The following SHOX variants were observed in gnomAD, a reference collection of about 807,000 sequenced individuals.
SHOX encodes the protein short stature homeobox protein.
SHOX carries 12 observed loss-of-function variants against 29.6 expected under a neutral mutation model. That is an observed-to-expected ratio of 0.41 (90% confidence interval 0.26 to 0.66). SHOX has a LOEUF of 0.66. Ranked by LOEUF, SHOX falls within the 30% of genes least tolerant of loss-of-function variation. The probability of loss-of-function intolerance (pLI) is 0.35; values close to 1 mark genes in which losing one functional copy is unlikely to be tolerated. For synonymous variants in SHOX, 214 were observed against 200.6 expected, an observed-to-expected ratio of 1.07 and a Z score of -0.57; for missense variants, 499 against 437.7, an observed-to-expected ratio of 1.14 and a Z score of -1.25.
At chrX:632,925 T>G (rs994048285) in intron 1 of SHOX, among the ~76,000 whole-genome samples, 3 of 152,086 alleles carry the variant, frequency 2.0e-5, no homozygotes, top group African/African-American at 7.2e-5. Context: ...GCAGACACCG[T>G]TTTGCTCCTC....
Position 624,993 on chromosome X carries a change from TTTCCTTCCTTCCCTCC to T in SHOX, c.-433+403_-433+418del, listed in dbSNP as rs2052490152. On this transcript the variant is annotated intron_variant, in intron 1 of 5. Transcript: ENST00000334060. ...TTTCCTTTTCTTTTCCAGAAAGCTT[TTTCCTTCCTTCCCTCC>T]TTCCTTCCTTCTCTCCCTCCCTCCT... Among the ~76,000 whole-genome samples the T allele has an allele frequency of 4.7e-5, 7 of 149,940 alleles. 1 individual carries two copies. The South Asian group carries it at 1.5e-3, about 32-fold the overall frequency.
chrX:626,469 A>G (rs1296307877), upstream of SHOX, among the ~76,000 whole-genome samples: 7 of 106,586 alleles, frequency 6.6e-5, no homozygotes, highest in African/African-American at 2.2e-4. Context: ...ATCTCTGTCT[A>G]TCTCTGTCTC....
At chrX:653,166 A>G (rs2053092180), downstream of SHOX, among the ~76,000 whole-genome samples, 1 of 152,172 alleles carries the variant, frequency 6.6e-6, no homozygotes, top group African/African-American at 2.4e-5. Context: ...GCTTGGACCC[A>G]GGAGGCGGAG....
rs2053011942 is a variant in SHOX at position 649,033 on chromosome X, C to CCT, written c.*4397_*4398insCT. 1.5e-5 allele frequency among the ~76,000 whole-genome samples: 1 copy of CCT among 65,224 alleles called. No homozygotes were observed. The highest frequency in any genetic ancestry group is 3.8e-5 in the Non-Finnish European group (1 of 26,658). The allele number at this position is 65,224 out of a possible 152,430, so 42.8% of individuals were successfully genotyped here. On this transcript the variant is annotated 3_prime_UTR_variant, in exon 5 of 5. Transcript: ENST00000686671. ...TTTCTTTCTTTCTTTTTCTTTCTTT[C>CCT]TTTTTCTTTCTTCTTTCTTTCTTCG...
chrX:624,952 A>G lies in SHOX; in HGVS notation c.-433+350A>G, dbSNP rs746309856. On this transcript the variant is annotated intron_variant, in intron 1 of 5. Coordinates refer to the SHOX transcript ENST00000334060. ...TTTCTTTTCTTTCTTTCACTTGGCA[A>G]GATTGCTTTTGGAGCTTTCCTTTTC... Among the ~76,000 whole-genome samples, 150 of 118,450 alleles carry G rather than the reference A, an allele frequency of 1.3e-3. No individual in the cohort carries two copies. In the Middle Eastern group the frequency reaches 0.017, roughly 13 times the overall value. The allele number at this position is 118,450 out of a possible 152,430, so 77.7% of individuals were successfully genotyped here. A position where few individuals can be genotyped will look rare whatever the true frequency, so the allele number is the denominator to read the frequency against.
intron 2 of SHOX, among the ~76,000 whole-genome samples, chrX:640,194 C>G (rs186857041): frequency 6.7e-6 from 1 of 150,256 alleles, no homozygotes; most frequent in East Asian, 2.0e-4. Context: ...AAAATACAAA[C>G]GTTAGCTAGG....
At chrX:624,826 C>G (rs2052478372) in intron 1 of SHOX, among the ~76,000 whole-genome samples, 1 of 143,616 alleles carries the variant, frequency 7.0e-6, no homozygotes, top group Middle Eastern at 3.6e-3. Flanking sequence ...TTCCTTCGTT[C>G]TTTCCTTCCT....
downstream of SHOX, among the ~76,000 whole-genome samples, chrX:656,261 G>C (rs935888995): frequency 2.1e-5 from 3 of 142,726 alleles, no homozygotes; most frequent in African/African-American, 8.1e-5. Context: ...CAGCAACAAA[G>C]TGAGATCTTG....
At chrX:651,641 G>GAAAAA (rs553983413), downstream of SHOX, among the ~76,000 whole-genome samples, 304 of 107,522 alleles carry the variant, frequency 2.8e-3, 3 homozygotes, top group African/African-American at 0.01. Context: ...AGGCTTATTG[G>GAAAAA]AAAAAAAAAA....
In SHOX at chrX:640,804, C is replaced by T. The variant is rs1433130712; in HGVS notation, c.487-17C>T. The T allele has an allele frequency of 5.0e-6, 8 of 1,613,898 alleles. No individual in the cohort carries two copies. Among genetic ancestry groups the T allele is most frequent in the Non-Finnish European group, 6.8e-6 (8 of 1,179,842 alleles). On this transcript the variant is annotated splice_polypyrimidine_tract_variant and intron_variant, in intron 2 of 4. Transcript: ENST00000686671. ...GGTTCACAGGGCTCTTCACATCTCT[C>T]TCTGCTTCTCCCCAAGGTTTGGTTC...
At position 644,585 on chromosome X, in the gene SHOX, C is replaced by A; in HGVS notation, c.828C>A (p.Ile276=). 2 of 1,513,132 alleles carry A rather than the reference C, an allele frequency of 1.3e-6. No homozygotes were observed. The highest frequency in any genetic ancestry group is 1.8e-6 in the Non-Finnish European group (2 of 1,137,558). 93.7% of individuals were successfully genotyped at this position (1,513,132 alleles called of 1,614,324 possible). A position where few individuals can be genotyped will look rare whatever the true frequency, so the allele number is the denominator to read the frequency against. Residue 276 remains isoleucine (I), a synonymous_variant, in exon 5 of 5, where the codon ATC becomes ATA. Transcript: ENST00000686671. ...AAKSNSKNSS[I]ADLRLKARKH... The stretch of plus-strand genomic sequence containing the variant: ...AAAGCAACAGCAAGAATTCCAGCAT[C>A]GCCGACCTGCGGCTCAAGGCGCGGA...
chrX:651,950 C>T (rs1461157261), downstream of SHOX, among the ~76,000 whole-genome samples: 3 of 151,876 alleles, frequency 2.0e-5, no homozygotes, highest in Non-Finnish European at 2.9e-5. Flanking sequence ...GACTGAGTCT[C>T]GCTCTGTCGC....
chrX:638,434 G>C (rs964300197), intron 2 of SHOX, among the ~76,000 whole-genome samples: 2 of 152,116 alleles, frequency 1.3e-5, no homozygotes, highest in African/African-American at 4.8e-5. Flanking sequence ...ACAGTGGCAG[G>C]TCACCTGGAT....
At position 644,650 on chromosome X, in the gene SHOX, C is replaced by A. The variant is rs1015656862; in HGVS notation, c.*14C>A. ...CTGGGGCTCTGACCCGCCGCGCAGC[C>A]CCCCGCGCGCCCGGACTCCCGGGCT... On this transcript the variant is annotated 3_prime_UTR_variant, in exon 5 of 5. Transcript: ENST00000686671. 15 of 1,443,072 alleles carry A rather than the reference C, an allele frequency of 1.0e-5. No homozygotes were observed. The highest frequency in any genetic ancestry group is 2.5e-4 in the Middle Eastern group (1 of 4,030). The allele number at this position is 1,443,072 out of a possible 1,614,324, so 89.4% of individuals were successfully genotyped here.
rs776796802 is a variant in SHOX, at chrX:643,259, C to T, written c.634-1132C>T. ...GGGGAGAGGCTTGGGGACCTGGTGT[C>T]CTGGGAGAGGCTTGGGGACCTGGTG... is the stretch of plus-strand genomic sequence containing the variant. On this transcript the variant is annotated intron_variant, in intron 4 of 4. Coordinates refer to ENST00000686671, the MANE Select transcript of SHOX (RefSeq NM_000451.4). Among the ~76,000 whole-genome samples, 893 of 141,792 alleles carry T rather than the reference C, an allele frequency of 6.3e-3. 12 individuals carry two copies. Among genetic ancestry groups the T allele is most frequent in the African/African-American group, 0.023 (837 of 37,048 alleles). 93.0% of individuals were successfully genotyped at this position (141,792 alleles called of 152,430 possible).
chrX:628,451 C>T, upstream of SHOX, among the ~76,000 whole-genome samples: 1 of 140,830 alleles, frequency 7.1e-6, no homozygotes, highest in African/African-American at 2.7e-5. Flanking sequence ...CTCTCTTTCT[C>T]TCTCTCCATC....
At chrX:658,556 C>G (rs973416836) in intron 5 of SHOX, among the ~76,000 whole-genome samples, 4 of 151,330 alleles carry the variant, frequency 2.6e-5, no homozygotes, top group African/African-American at 9.7e-5. Context: ...CTGCAAGCTC[C>G]TCTTCCCGGG....
rs2053015448 is a variant in SHOX at position 649,191 on chromosome X, C to G, written c.*4555C>G. Among the ~76,000 whole-genome samples, 1 of 152,092 alleles carries G rather than the reference C, an allele frequency of 6.6e-6. No homozygotes were observed. ...TAGCTGGGATGACAGGCACCCACCA[C>G]CATTCCCGGATAATTTTTGTATTTT... On this transcript the variant is annotated 3_prime_UTR_variant, in exon 5 of 5. Transcript: ENST00000686671.
downstream of SHOX, among the ~76,000 whole-genome samples, chrX:651,649 A>G (rs1444833354): frequency 1.3e-5 from 2 of 151,154 alleles, no homozygotes; most frequent in African/African-American, 4.9e-5. Flanking sequence ...TGGAAAAAAA[A>G]AAAAAAAAAA....
Sources: allele counts gnomAD v4.1 joint callset (sites outside exome capture counted in the v4.1 genomes callset), GRCh38; gene constraint gnomAD v4.1.1; transcripts MANE v1.5; gene names NCBI Gene and HGNC (gene_info 2026-07-23, HGNC 2026-07-21).